The following NAV3 variants were observed in gnomAD, a reference collection of about 807,000 sequenced individuals.
NAV3 encodes the protein neuron navigator 3.
Under a neutral mutation model 244.7 loss-of-function variants are expected in NAV3, and 87 were observed. That is an observed-to-expected ratio of 0.36 (90% CI 0.30 to 0.42). The LOEUF (loss-of-function observed/expected upper bound fraction) is 0.42. Ranked by LOEUF, NAV3 falls within the 20% of genes least tolerant of loss-of-function variation. NAV3 has a pLI of 1.00. For missense variants in NAV3, 2,663 were observed against 2,893.3 expected, an observed-to-expected ratio of 0.92 and a Z score of 1.83; for synonymous variants, 1,126 against 1,042.2, an observed-to-expected ratio of 1.08 and a Z score of -1.55.
intron 22 of NAV3, among the ~76,000 whole-genome samples, chr12:78,152,222 G>A (rs1396011488): frequency 6.6e-6 from 1 of 151,368 alleles, no homozygotes; most frequent in African/African-American, 2.4e-5. Context: ...AAAAGGTACA[G>A]GTAATGAAGA....
intron 18 of NAV3, among the ~76,000 whole-genome samples, chr12:78,131,870 T>C (rs1956179616): frequency 6.6e-6 from 1 of 152,214 alleles, no homozygotes; most frequent in South Asian, 2.1e-4. Flanking sequence ...TCTTACACGA[T>C]CATAGAGTAG....
chr12:77,990,328 G>C (rs1871237220), intron 5 of NAV3, among the ~76,000 whole-genome samples: 1 of 152,228 alleles, frequency 6.6e-6, no homozygotes, highest in Non-Finnish European at 1.5e-5. Context: ...AGGAAGAAAA[G>C]TTGGTCAACA....
chr12:77,826,850 T>A (rs909210451), upstream of NAV3, among the ~76,000 whole-genome samples: 9 of 152,194 alleles, frequency 5.9e-5, no homozygotes, highest in Admixed American at 4.6e-4. Context: ...ATAGTGGTAC[T>A]GGCCACATTG....
chr12:77,748,139 T>C (rs1868654108), intron 2 of NAV3, among the ~76,000 whole-genome samples: 3 of 152,246 alleles, frequency 2.0e-5, no homozygotes, highest in Admixed American at 2.0e-4. Context: ...GTGCTTCATT[T>C]TGATATCATA....
intron 2 of NAV3, among the ~76,000 whole-genome samples, chr12:77,589,474 T>C (rs906202079): frequency 6.6e-6 from 1 of 152,192 alleles, no homozygotes; most frequent in Non-Finnish European, 1.5e-5. Context: ...TAATTTGACC[T>C]ACAATTCAAC....
intron 9 of NAV3, chr12:78,037,402 T>C: frequency 1.5e-6 from 1 of 685,932 alleles, no homozygotes; most frequent in Non-Finnish European, 2.7e-6. Flanking sequence ...TCCAATTTGC[T>C]CCTAAAAACG....
chr12:77,926,932 G>A (rs1036624145), intron 1 of NAV3, among the ~76,000 whole-genome samples: 1 of 152,122 alleles, frequency 6.6e-6, no homozygotes, highest in African/African-American at 2.4e-5. Context: ...AGGCTTAAAC[G>A]GAATTTATTC....
intron 1 of NAV3, among the ~76,000 whole-genome samples, chr12:77,888,774 A>C (rs940946935): frequency 6.6e-6 from 1 of 152,114 alleles, no homozygotes; most frequent in East Asian, 1.9e-4. Flanking sequence ...TGAGTCACTG[A>C]ATGTTCTAAG....
intron 2 of NAV3, among the ~76,000 whole-genome samples, chr12:77,805,931 T>G (rs1447664300): frequency 6.6e-6 from 1 of 152,212 alleles, no homozygotes; most frequent in East Asian, 1.9e-4. Flanking sequence ...CCATTTCTTC[T>G]AGATTTTCTA....
chr12:77,609,074 T>C (rs984061310), intron 2 of NAV3, among the ~76,000 whole-genome samples: 2 of 152,128 alleles, frequency 1.3e-5, no homozygotes, highest in African/African-American at 4.8e-5. Flanking sequence ...TATAAATATT[T>C]TGGAAACATT....
At chr12:77,972,314 T>A (rs1893065418) in intron 5 of NAV3, among the ~76,000 whole-genome samples, 1 of 152,200 alleles carries the variant, frequency 6.6e-6, no homozygotes, top group South Asian at 2.1e-4. Flanking sequence ...AAAGGTGGGA[T>A]TCAGATTTTA....
chr12:77,826,491 C>G (rs564940307), upstream of NAV3, among the ~76,000 whole-genome samples: 33 of 152,138 alleles, frequency 2.2e-4, no homozygotes, highest in Non-Finnish European at 4.4e-4. Context: ...GACTCTGTCC[C>G]CCTCCCCCCA....
rs1186550811 is a variant in NAV3, at chr12:77,755,611, CTCCTTCCTTCCT to C, written c.72+183381_72+183392del. Among the ~76,000 whole-genome samples the C allele has an allele frequency of 1.6e-3, 60 of 38,248 alleles. 6 individuals are homozygous for C. The highest frequency in any genetic ancestry group is 3.9e-3 in the East Asian group (5 of 1,292). 25.1% of individuals were successfully genotyped at this position (38,248 alleles called of 152,430 possible). A position where few individuals can be genotyped will look rare whatever the true frequency, so the allele number is the denominator to read the frequency against. On this transcript the variant is annotated intron_variant, in intron 2 of 8. Transcript: ENST00000550042. ...CCTCCCTCCCTCCCTCCCTCCCTCC[CTCCTTCCTTCCT>C]TCCTTCCTTCCTTCCTTCCTTCCTT...
chr12:77,657,374 C>T (rs575049295), intron 2 of NAV3, among the ~76,000 whole-genome samples: 2 of 152,250 alleles, frequency 1.3e-5, no homozygotes, highest in South Asian at 2.1e-4. Flanking sequence ...GGATAAATTC[C>T]TCGACACATA....
intron 1 of NAV3, among the ~76,000 whole-genome samples, chr12:77,832,014 T>C (rs1873796098): frequency 6.6e-6 from 1 of 152,192 alleles, no homozygotes; most frequent in Non-Finnish European, 1.5e-5. Context: ...CAGTCACAAA[T>C]GTGAGAAAAA....
intron 2 of NAV3, among the ~76,000 whole-genome samples, chr12:77,616,489 T>A (rs796140028): frequency 5.8e-4 from 89 of 152,258 alleles, no homozygotes; most frequent in African/African-American, 2.0e-3. Context: ...ACCCTTTGTA[T>A]ATATAATGTG....
chr12:78,165,311 CCCAG>C, intron 23 of NAV3, among the ~76,000 whole-genome samples: 1 of 151,892 alleles, frequency 6.6e-6, no homozygotes, highest in Non-Finnish European at 1.5e-5. Flanking sequence ...GCAGAATTAT[CCCAG>C]CCTCAATCTT....
chr12:77,593,134 A>G (rs1869986224), intron 2 of NAV3, among the ~76,000 whole-genome samples: 1 of 152,174 alleles, frequency 6.6e-6, no homozygotes, highest in Non-Finnish European at 1.5e-5. Context: ...CTCAGAGAAG[A>G]GAAACCCAAA....
rs952502299 is a variant in NAV3 at position 78,175,245 on chromosome 12, A to C, written c.4982-61A>C. 3.8e-6 allele frequency: 6 copies of C among 1,572,894 alleles called. No individual in the cohort carries two copies. The African/African-American group carries it at 8.2e-5, about 21-fold the overall frequency. On this transcript the variant is annotated intron_variant, in intron 24 of 39. Coordinates refer to ENST00000397909, the MANE Select transcript of NAV3 (RefSeq NM_001024383.2). Reference sequence around the variant, plus strand: ...AACTGCCTCTCAAAAGACCTAAAAGACTTATTTGTTCAGATCGAGACTCTT... The same window carrying C: ...AACTGCCTCTCAAAAGACCTAAAAGCCTTATTTGTTCAGATCGAGACTCTT...
Sources: gnomAD v4.1 joint callset for allele counts (sites outside exome capture counted in the v4.1 genomes callset) on GRCh38, gnomAD v4.1.1 for gene constraint, MANE v1.5 for transcripts, NCBI Gene and HGNC (gene_info 2026-07-23, HGNC 2026-07-21) for gene names.